FANCL: variants seen among roughly 807,000 people sequenced by gnomAD.
FANCL encodes E3 ubiquitin-protein ligase FANCL.
In FANCL, 69 loss-of-function variants were observed where a neutral mutation model predicts 59.4. The ratio of observed to expected loss-of-function variants is 1.16; its 90% CI spans 0.96 to 1.42. The LOEUF (loss-of-function observed/expected upper bound fraction) is 1.42, where lower values mean the gene tolerates loss of function less well. FANCL is among the 40% of genes most tolerant of loss of function. The pLI is 0.00. For missense variants in FANCL, 519 were observed against 447.2 expected, an observed-to-expected ratio of 1.16 and a Z score of -1.45; for synonymous variants, 180 against 147.1, an observed-to-expected ratio of 1.22 and a Z score of -1.62.
In FANCL at chr2:58,212,985, TATA is replaced by T. The variant is rs1315748734; in HGVS notation, c.375-8762_375-8760del. 1.6e-4 allele frequency among the ~76,000 whole-genome samples: 24 copies of T among 152,358 alleles called. 1 individual carries two copies. The highest frequency in any genetic ancestry group is 5.3e-4 in the African/African-American group (22 of 41,590). On this transcript the variant is annotated intron_variant, in intron 5 of 13. Coordinates refer to ENST00000233741, the MANE Select transcript of FANCL (RefSeq NM_018062.4). ...TTTTTCTTTTCCAACTTAGAATTTG[TATA>T]ATGTCTAATCCTATAGAGTTGATTA...
chr2:58,198,658 G>T lies in FANCL; in HGVS notation c.476C>A (p.Pro159His). The change falls in exon 7 of 14, where the codon CCT becomes CAT. Residue 159 changes from proline (P) to histidine (H), a missense_variant. Pro to His is a moderately conservative substitution (Grantham distance 77). Coordinates refer to ENST00000233741, the MANE Select transcript of FANCL (RefSeq NM_018062.4). ...CACAAAATAATCTGGTGATTCTGCA[G>T]GATACTATTAAAAAAGCATAACATT... ...LITLKLKAKY[P>H]AESPDYFVDF... 1 of 1,613,198 alleles carries T rather than the reference G, an allele frequency of 6.2e-7. No individual in the cohort carries two copies. Among genetic ancestry groups the T allele is most frequent in the Middle Eastern group, 1.7e-4 (1 of 6,042 alleles).
At chr2:58,239,644 T>A (rs1399511775) in intron 1 of FANCL, among the ~76,000 whole-genome samples, 2 of 152,220 alleles carry the variant, frequency 1.3e-5, no homozygotes, top group Non-Finnish European at 2.9e-5. Context: ...TTTTAATCAC[T>A]GTACTGTGGT....
At position 58,221,906 on chromosome 2, in the gene FANCL, CA is replaced by C. The variant is rs200325071; in HGVS notation, c.374+35del. On this transcript the variant is annotated intron_variant, in intron 5 of 13. Transcript: ENST00000233741. ...ATACATTAAGTTAAAATATATAAAA[CA>C]AAGGCATTTAAAACATATTTTAAAA... The C allele has an allele frequency of 0.065, 91,332 of 1,406,506 alleles. 3,361 individuals are homozygous for C. Among genetic ancestry groups the C allele is most frequent in the Non-Finnish European group, 0.07 (69,471 of 994,284 alleles). The allele number at this position is 1,406,506 out of a possible 1,614,324, so 87.1% of individuals were successfully genotyped here. A position where few individuals can be genotyped will look rare whatever the true frequency, so the allele number is the denominator to read the frequency against.
At chr2:58,182,960 C>T (rs778042020) in intron 7 of FANCL, among the ~76,000 whole-genome samples, 5 of 151,668 alleles carry the variant, frequency 3.3e-5, no homozygotes, top group South Asian at 2.1e-4. Flanking sequence ...ATTTGTAATA[C>T]GGAAATAGTG....
At chr2:58,195,726 T>A (rs1689363854) in intron 7 of FANCL, among the ~76,000 whole-genome samples, 1 of 152,118 alleles carries the variant, frequency 6.6e-6, no homozygotes, top group African/African-American at 2.4e-5. Context: ...AGGCTAAGGC[T>A]ATGGACACAA....
At chr2:58,224,549 A>C (rs1029983936) in intron 4 of FANCL, among the ~76,000 whole-genome samples, 3 of 151,868 alleles carry the variant, frequency 2.0e-5, no homozygotes, top group Admixed American at 1.3e-4. Context: ...ATTAGCATTA[A>C]AAAAGGACTC....
chr2:58,192,862 A>C (rs1558776568), intron 7 of FANCL, among the ~76,000 whole-genome samples: 1 of 152,006 alleles, frequency 6.6e-6, no homozygotes, highest in East Asian at 1.9e-4. Context: ...AAGAAAACAA[A>C]AACAACAACA....
At chr2:58,185,301 A>G (rs1190124946) in intron 7 of FANCL, among the ~76,000 whole-genome samples, 2 of 152,284 alleles carry the variant, frequency 1.3e-5, no homozygotes, top group South Asian at 2.1e-4. Context: ...CTCTGCACCT[A>G]AATCAGAAAT....
In FANCL at chr2:58,173,042, G is replaced by A. The variant is rs183144578; in HGVS notation, c.541-7168C>T. On this transcript the variant is annotated intron_variant, in intron 7 of 13. Transcript: ENST00000233741. ...AACTGGAAGAAAGGGTATCAGTGAC[G>A]GAAGATGAAGTGAATGAAATGAAGC... is the stretch of plus-strand genomic sequence containing the variant. Among the ~76,000 whole-genome samples the A allele has an allele frequency of 5.9e-4, 90 of 152,256 alleles. No individual in the cohort carries two copies. In the East Asian group the frequency reaches 0.013, roughly 22 times the overall value.
intron 11 of FANCL, among the ~76,000 whole-genome samples, chr2:58,162,214 G>A (rs1253408015): frequency 1.3e-5 from 2 of 151,902 alleles, no homozygotes; most frequent in Admixed American, 6.6e-5. Context: ...TAGCAGCCTT[G>A]TCAAAAATCA....
In FANCL at chr2:58,224,720, A is replaced by C. The variant is rs527603905; in HGVS notation, c.273+2008T>G. Reference sequence around the variant, plus strand: ...CTAACAACACATAGACAGGAAAAGCATAAGTGAAATATAACAAGTAGAACA... The same window carrying C: ...CTAACAACACATAGACAGGAAAAGCCTAAGTGAAATATAACAAGTAGAACA... On this transcript the variant is annotated intron_variant, in intron 4 of 13. Coordinates refer to ENST00000233741, the MANE Select transcript of FANCL (RefSeq NM_018062.4). 2.0e-5 allele frequency among the ~76,000 whole-genome samples: 3 copies of C among 152,028 alleles called. No individual in the cohort carries two copies. The South Asian group carries it at 6.2e-4, about 32-fold the overall frequency.
intron 5 of FANCL, among the ~76,000 whole-genome samples, chr2:58,215,066 C>G (rs962200034): frequency 6.6e-6 from 1 of 152,184 alleles, no homozygotes; most frequent in African/African-American, 2.4e-5. Flanking sequence ...CAAACCCTTT[C>G]TACATTTCCA....
At chr2:58,224,216 T>G (rs1692748167) in intron 4 of FANCL, among the ~76,000 whole-genome samples, 1 of 151,770 alleles carries the variant, frequency 6.6e-6, no homozygotes, top group African/African-American at 2.4e-5. Flanking sequence ...TAATGGGACA[T>G]GATATCTATA....
intron 7 of FANCL, among the ~76,000 whole-genome samples, chr2:58,182,668 G>A (rs1045203531): frequency 2.0e-5 from 3 of 151,638 alleles, no homozygotes; most frequent in African/African-American, 7.3e-5. Context: ...GTCAAGCACT[G>A]AAGAATGCAA....
At chr2:58,214,675 T>A (rs1252749937) in intron 5 of FANCL, among the ~76,000 whole-genome samples, 3 of 151,706 alleles carry the variant, frequency 2.0e-5, no homozygotes, top group Admixed American at 2.0e-4. Context: ...TTTATTTATT[T>A]ATTTATTTTT....
intron 7 of FANCL, among the ~76,000 whole-genome samples, chr2:58,175,074 A>G (rs1687143965): frequency 6.6e-6 from 1 of 151,276 alleles, no homozygotes; most frequent in Non-Finnish European, 1.5e-5. Context: ...CCCTCCCAAG[A>G]CTAAACCAGG....
intron 4 of FANCL, 39 bp from the exon 5 acceptor site, chr2:58,222,081 C>G (rs756647476): frequency 4.7e-5 from 67 of 1,422,186 alleles, no homozygotes; most frequent in Non-Finnish European, 6.7e-5. Flanking sequence ...CTGTGGAACG[C>G]AAGACAATGA....
intron 8 of FANCL, among the ~76,000 whole-genome samples, chr2:58,165,457 C>A (rs1685806665): frequency 6.6e-6 from 1 of 152,126 alleles, no homozygotes; most frequent in Non-Finnish European, 1.5e-5. Context: ...TTCCACGATT[C>A]CTGTGCTAAT....
In FANCL at chr2:58,159,493, A is replaced by G. The variant is rs138006413; in HGVS notation, c.*272T>C. ...AGATTTTACCAGTCCAGATATATTCAAGAAGTCAAGATCTCCATCTTGGTA... is the reference window on the plus strand; with the variant it reads ...AGATTTTACCAGTCCAGATATATTCGAGAAGTCAAGATCTCCATCTTGGTA... On this transcript the variant is annotated 3_prime_UTR_variant, in exon 14 of 14. Transcript: ENST00000233741. The G allele has an allele frequency of 3.7e-6, 6 of 1,613,720 alleles. No homozygotes were observed. The Admixed American group carries it at 1.0e-4, about 27-fold the overall frequency.
Sources: allele counts gnomAD v4.1 joint callset (sites outside exome capture counted in the v4.1 genomes callset), GRCh38; gene constraint gnomAD v4.1.1; transcripts MANE v1.5; gene names NCBI Gene and HGNC (gene_info 2026-07-23, HGNC 2026-07-21).